Variants in TMEM163 observed in about 807,000 individuals in gnomAD.
The protein encoded by TMEM163 is transmembrane protein 163.
TMEM163 carries 17 observed loss-of-function variants against 29.3 expected under a neutral mutation model. That is an observed-to-expected ratio of 0.58 (90% CI 0.40 to 0.87). TMEM163 has a LOEUF of 0.87. Among genes scored for constraint, TMEM163 ranks in the 40% least tolerant of loss-of-function variants. The pLI is 0.00. For synonymous variants in TMEM163, 157 were observed against 160.6 expected, an observed-to-expected ratio of 0.98 and a Z score of 0.17; for missense variants, 303 against 381.5, an observed-to-expected ratio of 0.79 and a Z score of 1.71.
At chr2:134,629,297 T>C (rs1379765222) in intron 2 of TMEM163, among the ~76,000 whole-genome samples, 1 of 152,214 alleles carries the variant, frequency 6.6e-6, no homozygotes, top group Non-Finnish European at 1.5e-5. Flanking sequence ...AAAGTGTGCA[T>C]ATCTGTAGGT....
At chr2:134,569,796 T>A (rs1171690050) in intron 2 of TMEM163, among the ~76,000 whole-genome samples, 1 of 152,210 alleles carries the variant, frequency 6.6e-6, no homozygotes, top group African/African-American at 2.4e-5. Context: ...CACAGTCGAC[T>A]ATAGTATGAA....
intron 2 of TMEM163, among the ~76,000 whole-genome samples, chr2:134,559,158 G>A (rs1486245299): frequency 5.9e-5 from 9 of 152,164 alleles, no homozygotes; most frequent in Middle Eastern, 3.4e-3. Context: ...CCAATGCTAC[G>A]TTCAGATGAG....
intron 2 of TMEM163, among the ~76,000 whole-genome samples, chr2:134,590,120 TC>T (rs935450431): frequency 8.0e-6 from 1 of 125,106 alleles, no homozygotes; most frequent in East Asian, 4.6e-4. Context: ...CCCAACTGAT[TC>T]TTTTTTTTTT....
At chr2:134,695,217 C>T (rs1003487443) in intron 2 of TMEM163, among the ~76,000 whole-genome samples, 19 of 152,056 alleles carry the variant, frequency 1.2e-4, no homozygotes, top group African/African-American at 4.6e-4. Flanking sequence ...GCTGGGATTA[C>T]AGGTGCCCAT....
Position 134,460,065 on chromosome 2 carries a change from G to A in TMEM163, c.668-1892C>T, listed in dbSNP as rs555576811. On this transcript the variant is annotated intron_variant, in intron 6 of 7. Transcript: ENST00000281924. This position sits in a 1 kb window ranked among gnomAD's most constrained non-coding sequence, Gnocchi z 4.3. ...CACCAACCTGCCCCTCGAGCCCCTTGCCAGATGTTACCCCCCCCCAAATTC... is the reference window on the plus strand; with the variant it reads ...CACCAACCTGCCCCTCGAGCCCCTTACCAGATGTTACCCCCCCCCAAATTC... 9.7e-3 allele frequency among the ~76,000 whole-genome samples: 1,239 copies of A among 127,908 alleles called. 23 individuals are homozygous for A. Among genetic ancestry groups the A allele is most frequent in the African/African-American group, 0.041 (1,183 of 28,752 alleles). 83.9% of individuals were successfully genotyped at this position (127,908 alleles called of 152,430 possible). A position where few individuals can be genotyped will look rare whatever the true frequency, so the allele number is the denominator to read the frequency against.
intron 2 of TMEM163, among the ~76,000 whole-genome samples, chr2:134,566,394 T>C (rs900179657): frequency 5.3e-5 from 8 of 152,230 alleles, no homozygotes; most frequent in African/African-American, 1.9e-4. Context: ...AAACCCCGTC[T>C]CTACTAAAAA....
chr2:134,683,450 A>C (rs1002984085), intron 2 of TMEM163, among the ~76,000 whole-genome samples: 14 of 152,084 alleles, frequency 9.2e-5, no homozygotes, highest in African/African-American at 3.1e-4. Context: ...AGAAAAGAAA[A>C]TGGAAACCTA....
intron 5 of TMEM163, among the ~76,000 whole-genome samples, chr2:134,471,153 T>C (rs932568599): frequency 2.6e-5 from 4 of 152,168 alleles, no homozygotes; most frequent in African/African-American, 9.7e-5. Context: ...GCCTGGGCAA[T>C]AGAGTGAGAC....
chr2:134,579,465 T>A (rs1352957545), intron 2 of TMEM163, among the ~76,000 whole-genome samples: 1 of 152,232 alleles, frequency 6.6e-6, no homozygotes, highest in Non-Finnish European at 1.5e-5. Flanking sequence ...GAGAAGCTTT[T>A]TGGACAGACT....
intron 2 of TMEM163, among the ~76,000 whole-genome samples, chr2:134,690,513 T>C (rs1035475426): frequency 6.6e-6 from 1 of 152,218 alleles, no homozygotes; most frequent in Non-Finnish European, 1.5e-5. Flanking sequence ...CTTGAACTCC[T>C]GACCTCAAGT....
At chr2:134,478,180 C>T (rs1476480213) in intron 5 of TMEM163, among the ~76,000 whole-genome samples, 1 of 152,106 alleles carries the variant, frequency 6.6e-6, no homozygotes, top group Non-Finnish European at 1.5e-5. Flanking sequence ...GATGTTGGTG[C>T]CATGATTATA....
intron 2 of TMEM163, among the ~76,000 whole-genome samples, chr2:134,656,342 C>T (rs979433146): frequency 5.3e-5 from 8 of 151,790 alleles, no homozygotes; most frequent in African/African-American, 1.9e-4. Context: ...TTCTTTGACT[C>T]GGAAAGGGAA....
At chr2:134,681,405 C>T (rs900823173) in intron 2 of TMEM163, among the ~76,000 whole-genome samples, 5 of 152,178 alleles carry the variant, frequency 3.3e-5, no homozygotes, top group Admixed American at 6.5e-5. Context: ...TCCAGTGTCC[C>T]GGTCAAGCTC....
chr2:134,593,298 A>C (rs1008926916), intron 2 of TMEM163, among the ~76,000 whole-genome samples: 1 of 152,152 alleles, frequency 6.6e-6, no homozygotes, highest in Non-Finnish European at 1.5e-5. Flanking sequence ...AATTGCATTC[A>C]CTTAAGATTG....
At chr2:134,601,070 TTATA>T (rs774110059) in intron 2 of TMEM163, among the ~76,000 whole-genome samples, 2 of 152,084 alleles carry the variant, frequency 1.3e-5, no homozygotes, top group Non-Finnish European at 2.9e-5. Context: ...AATATATACT[TTATA>T]TATATAAAGT....
chr2:134,623,872 C>T (rs1439687935), intron 2 of TMEM163, among the ~76,000 whole-genome samples: 2 of 152,122 alleles, frequency 1.3e-5, no homozygotes, highest in African/African-American at 4.8e-5. Flanking sequence ...CCTCTGACCC[C>T]GAATTTAGTA....
chr2:134,520,018 C>T (rs1680160630), intron 4 of TMEM163, among the ~76,000 whole-genome samples: 1 of 152,024 alleles, frequency 6.6e-6, no homozygotes, highest in African/African-American at 2.4e-5. Context: ...CAGTTCGCAT[C>T]ACCTGAGCTC....
At chr2:134,632,545 GCATCCCCGA>G (rs1430831026) in intron 2 of TMEM163, among the ~76,000 whole-genome samples, 4 of 152,188 alleles carry the variant, frequency 2.6e-5, no homozygotes, top group African/African-American at 4.8e-5. Flanking sequence ...GAGGCGGGGG[GCATCCCCGA>G]TCAAAGTACA....
chr2:134,490,328 C>G (rs1197495865), intron 5 of TMEM163, among the ~76,000 whole-genome samples: 1 of 152,140 alleles, frequency 6.6e-6, no homozygotes, highest in Non-Finnish European at 1.5e-5. Context: ...CTTCATGGCT[C>G]TTTCCTCTTA....
Sources: gnomAD v4.1 joint callset for allele counts (sites outside exome capture counted in the v4.1 genomes callset) on GRCh38, gnomAD v4.1.1 for gene constraint, Gnocchi (gnomAD v3.1) non-coding constraint, MANE v1.5 for transcripts, NCBI Gene and HGNC (gene_info 2026-07-23, HGNC 2026-07-21) for gene names.